Variants in ITPRID1 observed in about 807,000 individuals in gnomAD.
ITPRID1 encodes ITPR interacting domain containing 1.
Under a neutral mutation model 95.4 loss-of-function variants are expected in ITPRID1, and 96 were observed. The observed-to-expected ratio is 1.01, with a 90% confidence interval of 0.85 to 1.19. The LOEUF (loss-of-function observed/expected upper bound fraction) is 1.19. Among genes scored for constraint, ITPRID1 ranks in the 50% most tolerant of loss-of-function variants. The pLI is 0.00. For synonymous variants in ITPRID1, 510 were observed against 453.6 expected (o/e 1.12, Z -1.58); for missense variants, 1,339 against 1,252.9 (o/e 1.07, Z -1.04).
intron 7 of ITPRID1, among the ~76,000 whole-genome samples, chr7:31,572,879 A>G (rs1785041096): frequency 6.6e-6 from 1 of 152,216 alleles, no homozygotes; most frequent in Non-Finnish European, 1.5e-5. Flanking sequence ...AGCCATGTGT[A>G]CCTAGCATAG....
At chr7:31,529,768 G>C in intron 1 of ITPRID1, 1 of 1,535,188 alleles carries the variant, frequency 6.5e-7, no homozygotes, top group Non-Finnish European at 8.7e-7. Context: ...CACATACTTT[G>C]ATGCCAACTA....
intron 1 of ITPRID1, among the ~76,000 whole-genome samples, chr7:31,543,546 A>G (rs140249783): frequency 1.2e-4 from 19 of 152,184 alleles, no homozygotes; most frequent in African/African-American, 3.9e-4. Flanking sequence ...GAGCGTCTTC[A>G]TATGCGTATT....
intron 10 of ITPRID1, among the ~76,000 whole-genome samples, chr7:31,586,743 C>T (rs1312867359): frequency 5.3e-5 from 8 of 151,820 alleles, no homozygotes; most frequent in African/African-American, 1.7e-4. Context: ...GATATTAGCC[C>T]TTTGTCAGAT....
At chr7:31,594,995 A>G (rs1338180839) in intron 10 of ITPRID1, among the ~76,000 whole-genome samples, 1 of 151,912 alleles carries the variant, frequency 6.6e-6, no homozygotes, top group Non-Finnish European at 1.5e-5. Context: ...TAAAATGAGT[A>G]CTATTTGCTA....
intron 10 of ITPRID1, among the ~76,000 whole-genome samples, chr7:31,622,899 C>T (rs1276852020): frequency 7.2e-5 from 11 of 151,902 alleles, no homozygotes; most frequent in East Asian, 3.9e-4. Context: ...CTCAAATAGA[C>T]ACAATAAAAA....
At chr7:31,519,886 T>C (rs1016723814) in intron 1 of ITPRID1, among the ~76,000 whole-genome samples, 1 of 151,846 alleles carries the variant, frequency 6.6e-6, no homozygotes, top group Non-Finnish European at 1.5e-5. Flanking sequence ...GTGTTTATAA[T>C]CAATGAACCA....
In ITPRID1 at chr7:31,643,890, G is replaced by T. The variant is rs1242714460; in HGVS notation, c.2520G>T (p.Gln840His). ...GCCTGTGTTCACTAACTGGTCACCA[G>T]GAAGCCCAGTTCATGACGACTTTGA... ...RHCLCSLTGHQEAQFMTTLKA... is the reference protein window; with the variant it reads ...RHCLCSLTGHHEAQFMTTLKA... Residue 840 changes from glutamine to histidine, a missense_variant, in exon 12 of 15, where the codon CAG becomes CAT. Coordinates refer to ENST00000615280, the MANE Select transcript of ITPRID1 (RefSeq NM_001257967.3). 6.2e-7 allele frequency: 1 copy of T among 1,613,736 alleles called. No individual in the cohort carries two copies. Among genetic ancestry groups the T allele is most frequent in the African/African-American group, 1.3e-5 (1 of 74,922 alleles).
chr7:31,618,465 CAAG>C (rs976370567), intron 10 of ITPRID1, among the ~76,000 whole-genome samples: 35 of 152,076 alleles, frequency 2.3e-4, no homozygotes, highest in African/African-American at 8.0e-4. Context: ...ATCTTTTGGT[CAAG>C]AAGGGAAATA....
intron 10 of ITPRID1, among the ~76,000 whole-genome samples, chr7:31,587,793 T>C (rs1355567152): frequency 1.3e-5 from 2 of 150,044 alleles, no homozygotes; most frequent in East Asian, 3.9e-4. Context: ...AAAACAGAGA[T>C]ATAGATCAAT....
chr7:31,643,151 A>C lies in ITPRID1; in HGVS notation c.1781A>C (p.Asn594Thr). The change falls in exon 12 of 15, where the codon AAT (asparagine) becomes ACT (threonine). Residue 594 changes from asparagine to threonine, a missense_variant. Transcript: ENST00000615280. ...GCTGGCAAAGTGCAAAGCCACCACA[A>C]TGAGTCTCAAAGGTCACCTGGAAAT... is the stretch of plus-strand genomic sequence containing the variant. The part of the protein sequence containing the change: ...EGAGKVQSHH[N>T]ESQRSPGNDH... The C allele has an allele frequency of 6.2e-7, 1 of 1,614,006 alleles. No homozygotes were observed. Among genetic ancestry groups the C allele is most frequent in the Non-Finnish European group, 8.5e-7 (1 of 1,179,894 alleles).
At chr7:31,623,490 C>T (rs308457) in intron 10 of ITPRID1, among the ~76,000 whole-genome samples, 3 of 151,748 alleles carry the variant, frequency 2.0e-5, no homozygotes, top group African/African-American at 4.8e-5. Context: ...ATAAACAGAA[C>T]CAAAGACAAA....
At chr7:31,530,765 G>A (rs1314924142) in intron 1 of ITPRID1, among the ~76,000 whole-genome samples, 1 of 152,070 alleles carries the variant, frequency 6.6e-6, no homozygotes, top group Non-Finnish European at 1.5e-5. Flanking sequence ...AAAAAAGGAA[G>A]CAATAGTCCA....
intron 10 of ITPRID1, 112 bp from the exon 11 acceptor site, chr7:31,642,064 G>A: frequency 1.7e-6 from 1 of 575,378 alleles, no homozygotes; most frequent in Non-Finnish European, 3.0e-6. Flanking sequence ...CTTCCACACA[G>A]TGGGCATTTC....
intron 1 of ITPRID1, among the ~76,000 whole-genome samples, chr7:31,546,888 T>C (rs2128134708): frequency 6.6e-6 from 1 of 152,090 alleles, no homozygotes. Context: ...ACAGAAAAGA[T>C]AAAGGGGTTA....
At chr7:31,555,794 T>A (rs1274592018) in intron 5 of ITPRID1, among the ~76,000 whole-genome samples, 1 of 152,224 alleles carries the variant, frequency 6.6e-6, no homozygotes, top group Non-Finnish European at 1.5e-5. Context: ...ACATTAAGAC[T>A]GACCGTTGGC....
At chr7:31,625,560 G>T (rs1788375060) in intron 10 of ITPRID1, among the ~76,000 whole-genome samples, 2 of 152,172 alleles carry the variant, frequency 1.3e-5, no homozygotes, top group South Asian at 4.1e-4. Flanking sequence ...CTCATAGGTG[G>T]GAATTGAACA....
intron 1 of ITPRID1, among the ~76,000 whole-genome samples, chr7:31,523,622 G>C (rs1783336731): frequency 6.6e-6 from 1 of 152,204 alleles, no homozygotes; most frequent in East Asian, 1.9e-4. Flanking sequence ...CCTCATAATA[G>C]TGAGTGAATT....
At chr7:31,600,685 C>T (rs1786356583) in intron 10 of ITPRID1, among the ~76,000 whole-genome samples, 1 of 152,140 alleles carries the variant, frequency 6.6e-6, no homozygotes, top group African/African-American at 2.4e-5. Context: ...GAGAAGTGAC[C>T]ACAGGTGGTC....
chr7:31,550,437 GACTA>G (rs1280538914), intron 2 of ITPRID1, among the ~76,000 whole-genome samples: 1 of 152,128 alleles, frequency 6.6e-6, no homozygotes, highest in African/African-American at 2.4e-5. Flanking sequence ...GGGGCGGACA[GACTA>G]ACTAGAGAAG....
Sources: allele counts gnomAD v4.1 joint callset (sites outside exome capture counted in the v4.1 genomes callset), GRCh38; gene constraint gnomAD v4.1.1; transcripts MANE v1.5; gene names NCBI Gene and HGNC (gene_info 2026-07-23, HGNC 2026-07-21).